CMTM7: variants seen among roughly 807,000 people sequenced by gnomAD.
The protein encoded by CMTM7 is CKLF-like MARVEL transmembrane domain-containing protein 7.
A neutral mutation model predicts 19.3 loss-of-function variants in CMTM7; 7 were observed. The observed-to-expected ratio is 0.36, with a 90% CI of 0.21 to 0.68. The LOEUF is 0.68. Among genes scored for constraint, CMTM7 ranks in the 30% least tolerant of loss-of-function variants. The pLI, the probability that CMTM7 is intolerant of heterozygous loss-of-function variation, is 0.60. For missense variants in CMTM7, 193 were observed against 232.6 expected, an observed-to-expected ratio of 0.83 and a Z score of 1.11; for synonymous variants, 87 against 99.3, an observed-to-expected ratio of 0.88 and a Z score of 0.74.
intron 1 of CMTM7, among the ~76,000 whole-genome samples, chr3:32,399,508 T>G (rs1695970482): frequency 6.6e-6 from 1 of 152,134 alleles, no homozygotes; most frequent in African/African-American, 2.4e-5. Context: ...CTAAGAGGCC[T>G]GGGCAATTCC....
intron 1 of CMTM7, among the ~76,000 whole-genome samples, chr3:32,415,395 C>T (rs1696245261): frequency 6.6e-6 from 1 of 152,198 alleles, no homozygotes; most frequent in South Asian, 2.1e-4. Flanking sequence ...ACCATCAGCA[C>T]CTTTGTGACA....
At chr3:32,432,680 CCTTGTAAG>C (rs1696536729) in intron 1 of CMTM7, among the ~76,000 whole-genome samples, 1 of 152,186 alleles carries the variant, frequency 6.6e-6, no homozygotes, top group Non-Finnish European at 1.5e-5. Context: ...ATAGTGCCTA[CCTTGTAAG>C]CTTGTGAGGA....
intron 1 of CMTM7, among the ~76,000 whole-genome samples, chr3:32,403,464 C>T (rs895348074): frequency 1.3e-5 from 2 of 152,096 alleles, no homozygotes; most frequent in African/African-American, 2.4e-5. Flanking sequence ...CAGCTCACCT[C>T]GGCCTCCCAA....
intron 1 of CMTM7, among the ~76,000 whole-genome samples, chr3:32,405,868 T>C (rs544903695): frequency 1.3e-5 from 2 of 152,348 alleles, no homozygotes; most frequent in African/African-American, 2.4e-5. Context: ...CAAAGCAAAA[T>C]CCTGATGCAA....
At chr3:32,425,270 A>T (rs1334678373) in intron 1 of CMTM7, among the ~76,000 whole-genome samples, 1 of 152,128 alleles carries the variant, frequency 6.6e-6, no homozygotes, top group Non-Finnish European at 1.5e-5. Flanking sequence ...GGCTCCTTAT[A>T]AAAAAAGCTT....
At chr3:32,409,527 T>C (rs1224291559) in intron 1 of CMTM7, among the ~76,000 whole-genome samples, 1 of 152,212 alleles carries the variant, frequency 6.6e-6, no homozygotes, top group Non-Finnish European at 1.5e-5. Context: ...GACCCACTAA[T>C]GTCCTTGGGT....
intron 1 of CMTM7, among the ~76,000 whole-genome samples, chr3:32,420,951 G>T (rs563865853): frequency 6.6e-6 from 1 of 152,068 alleles, no homozygotes; most frequent in Non-Finnish European, 1.5e-5. Flanking sequence ...AAGTTTTTTT[G>T]TTGGTCTCAC....
intron 3 of CMTM7, among the ~76,000 whole-genome samples, chr3:32,450,805 G>T (rs1298126584): frequency 6.6e-6 from 1 of 152,198 alleles, no homozygotes; most frequent in Non-Finnish European, 1.5e-5. Context: ...AGTAATTCAG[G>T]TTGCACATAA....
At chr3:32,448,339 G>A (rs1696781829) in intron 2 of CMTM7, among the ~76,000 whole-genome samples, 1 of 152,200 alleles carries the variant, frequency 6.6e-6, no homozygotes, top group Non-Finnish European at 1.5e-5. Flanking sequence ...GGAGAAACCA[G>A]GGTCTTTGAT....
At chr3:32,417,484 T>C (rs1043708643) in intron 1 of CMTM7, among the ~76,000 whole-genome samples, 4 of 152,256 alleles carry the variant, frequency 2.6e-5, no homozygotes, top group Non-Finnish European at 5.9e-5. Flanking sequence ...TGTTTCCAGA[T>C]TTTGGCGATT....
At chr3:32,423,450 C>T (rs536687240) in intron 1 of CMTM7, among the ~76,000 whole-genome samples, 17 of 152,152 alleles carry the variant, frequency 1.1e-4, no homozygotes, top group Admixed American at 2.6e-4. Flanking sequence ...GGGTAGGGGC[C>T]GAGAGGAGGG....
At chr3:32,424,787 A>C (rs1403723973) in intron 1 of CMTM7, among the ~76,000 whole-genome samples, 1 of 152,048 alleles carries the variant, frequency 6.6e-6, no homozygotes, top group Non-Finnish European at 1.5e-5. Context: ...GCTGGACCAC[A>C]GGTGTGCGCC....
At chr3:32,394,025 C>G (rs551322140) in intron 1 of CMTM7, among the ~76,000 whole-genome samples, 3 of 152,202 alleles carry the variant, frequency 2.0e-5, no homozygotes, top group African/African-American at 4.8e-5. Context: ...ATGTGCTCCT[C>G]TTAAAACCAT....
chr3:32,424,763 C>T (rs1467911859), intron 1 of CMTM7, among the ~76,000 whole-genome samples: 4 of 152,020 alleles, frequency 2.6e-5, no homozygotes, highest in South Asian at 2.1e-4. Context: ...CTCCCAGCCT[C>T]GGCCTTCCGA....
rs533646971 is a variant in CMTM7, at chr3:32,418,988, G to T, written c.160-22852G>T. On this transcript the variant is annotated intron_variant, in intron 1 of 4. Coordinates refer to ENST00000334983, the MANE Select transcript of CMTM7 (RefSeq NM_138410.4). ...CCTGCATATCCATTTGGGGAGAATT[G>T]GCTCATTAATAATATCATGAATTAA... Among the ~76,000 whole-genome samples, 16 of 152,236 alleles carry T rather than the reference G, an allele frequency of 1.1e-4. No individual in the cohort carries two copies. The East Asian group carries it at 3.1e-3, about 29-fold the overall frequency.
intron 1 of CMTM7, among the ~76,000 whole-genome samples, chr3:32,440,445 G>A (rs1325451503): frequency 6.6e-6 from 1 of 152,066 alleles, no homozygotes; most frequent in Non-Finnish European, 1.5e-5. Context: ...GAGAGGCAGT[G>A]TATAAAATAA....
intron 1 of CMTM7, among the ~76,000 whole-genome samples, chr3:32,405,108 A>C (rs1250882689): frequency 6.6e-6 from 1 of 152,216 alleles, no homozygotes; most frequent in African/African-American, 2.4e-5. Flanking sequence ...CAAGAAACTG[A>C]AAGCCACTAA....
chr3:32,400,399 CTTTTTTT>C (rs11425160), intron 1 of CMTM7, among the ~76,000 whole-genome samples: 1 of 116,572 alleles, frequency 8.6e-6, no homozygotes, highest in Non-Finnish European at 1.6e-5. Context: ...TCTTCTTCTT[CTTTTTTT>C]TTTTTTTTTG....
intron 2 of CMTM7, among the ~76,000 whole-genome samples, chr3:32,448,129 C>G (rs941914556): frequency 6.6e-6 from 1 of 152,152 alleles, no homozygotes; most frequent in Non-Finnish European, 1.5e-5. Flanking sequence ...GAAGGACAGA[C>G]TCAGCCACAC....
Sources: allele counts gnomAD v4.1 joint callset (sites outside exome capture counted in the v4.1 genomes callset), GRCh38; gene constraint gnomAD v4.1.1; transcripts MANE v1.5; gene names NCBI Gene and HGNC (gene_info 2026-07-23, HGNC 2026-07-21).